DNAH17: variants seen among roughly 807,000 people sequenced by gnomAD.
DNAH17 encodes the protein dynein axonemal heavy chain 17, also known as axonemal beta dynein heavy chain 17.
Under a neutral mutation model 485.6 loss-of-function variants are expected in DNAH17, and 376 were observed. The ratio of observed to expected loss-of-function variants is 0.77; its 90% confidence interval spans 0.71 to 0.84. DNAH17 has a LOEUF of 0.84. Ranked by LOEUF, DNAH17 falls within the 40% of genes least tolerant of loss-of-function variation. The pLI is 0.00. For synonymous variants in DNAH17, 3,031 were observed against 2,405.9 expected (o/e 1.26, Z -7.60); for missense variants, 6,370 against 5,839.3 (o/e 1.09, Z -2.96).
In DNAH17 at chr17:78,439,228, G is replaced by A. The variant is rs1229002397; in HGVS notation, c.11678-11C>T. The A allele has an allele frequency of 4.4e-6, 7 of 1,590,506 alleles. No individual in the cohort carries two copies. Among genetic ancestry groups the A allele is most frequent in the Admixed American group, 1.8e-5 (1 of 55,572 alleles). Reference sequence around the variant, plus strand: ...ACCCTAGTTTTTTTCCTAAAGAAAAGAAAAACAGGAAAAAAACACCACGTA... The same window carrying A: ...ACCCTAGTTTTTTTCCTAAAGAAAAAAAAAACAGGAAAAAAACACCACGTA... On this transcript the variant is annotated splice_polypyrimidine_tract_variant and intron_variant, in intron 72 of 80. Coordinates refer to ENST00000389840, the MANE Select transcript of DNAH17 (RefSeq NM_173628.4).
chr17:78,424,304 A>G, intron 80 of DNAH17, 151 bp from the exon 81 acceptor site: 1 of 928,098 alleles, frequency 1.1e-6, no homozygotes, highest in Non-Finnish European at 1.6e-6. Context: ...CTGGAAGCAG[A>G]GGCCTTCGTA....
chr17:78,443,961 A>C (rs1012781329), intron 71 of DNAH17, among the ~76,000 whole-genome samples: 6 of 152,226 alleles, frequency 3.9e-5, no homozygotes, highest in Non-Finnish European at 8.8e-5. Flanking sequence ...GACAGACCCC[A>C]GGCTCGTTTC....
At position 78,572,821 on chromosome 17, in the gene DNAH17, T is replaced by G. The variant is rs373819347; in HGVS notation, c.419A>C (p.Lys140Thr). Residue 140 changes from lysine (K) to threonine (T), a missense_variant, in exon 3 of 81, where the codon AAG becomes ACG. Physicochemically the swap from Lys to Thr is moderately conservative, Grantham distance 78. Transcript: ENST00000389840. ...TTCATTCTTCAGCCTGTGGACCTGC[T>G]TCACGATGTCTTCCGAGACCACCTG... ...WPQVVSEDIVKQVHRLKNEMF... is the reference protein window; with the variant it reads ...WPQVVSEDIVTQVHRLKNEMF... 3.1e-6 allele frequency: 5 copies of G among 1,614,012 alleles called. No individual in the cohort carries two copies. Among genetic ancestry groups the G allele is most frequent in the Non-Finnish European group, 8.5e-7 (1 of 1,179,890 alleles).
intron 75 of DNAH17, among the ~76,000 whole-genome samples, chr17:78,431,866 G>GAAATGTCTTA (rs1432175922): frequency 2.0e-5 from 3 of 152,114 alleles, no homozygotes; most frequent in African/African-American, 7.2e-5. Flanking sequence ...AACGGCTAAG[G>GAAATGTCTTA]AAATGTCTTA....
Position 78,428,588 on chromosome 17 carries a change from G to C in DNAH17, c.12525C>G (p.Val4175=). ...TVTSEKLFRT[V]LEMQPKETDS... ...CCGTCTCTTTTGGCTGCATTTCCAG[G>C]ACAGTGCGGAACAGCTTCTCTGAGG... is the stretch of plus-strand genomic sequence containing the variant. Residue 4175 remains valine (V), a synonymous_variant, in exon 77 of 81, where the codon GTC becomes GTG. Coordinates refer to ENST00000389840, the MANE Select transcript of DNAH17 (RefSeq NM_173628.4). 1 of 1,613,890 alleles carries C rather than the reference G, an allele frequency of 6.2e-7. No homozygotes were observed. Among genetic ancestry groups the C allele is most frequent in the Non-Finnish European group, 8.5e-7 (1 of 1,179,880 alleles).
At position 78,428,705 on chromosome 17, in the gene DNAH17, A is replaced by T. The variant is rs752595776; in HGVS notation, c.12408T>A (p.Gly4136=). ...FQIPPNLDYK[G]YHEYIDENLP... Reference sequence around the variant, plus strand: ...GGTTCTCATCGATGTATTCGTGGTAACCCTGAAAAAGAGGGCAGTTTGTAA... The same window carrying T: ...GGTTCTCATCGATGTATTCGTGGTATCCCTGAAAAAGAGGGCAGTTTGTAA... Residue 4136 remains glycine (G), a splice_region_variant and synonymous_variant, in exon 77 of 81, where the codon GGT becomes GGA. Coordinates refer to ENST00000389840, the MANE Select transcript of DNAH17 (RefSeq NM_173628.4). 3.7e-6 allele frequency: 6 copies of T among 1,613,064 alleles called. No homozygotes were observed. The highest frequency in any genetic ancestry group is 5.1e-6 in the Non-Finnish European group (6 of 1,179,302).
Position 78,434,166 on chromosome 17 carries a change from G to T in DNAH17, c.12088C>A (p.Leu4030Met). The T allele has an allele frequency of 6.2e-7, 1 of 1,613,558 alleles. No individual in the cohort carries two copies. Among genetic ancestry groups the T allele is most frequent in the Non-Finnish European group, 8.5e-7 (1 of 1,179,778 alleles). ...GCCACCACAGCGTGGAAGTAGCACA[G>T]GGCGAAGAGCATGCACTTGAACTCC... is the stretch of plus-strand genomic sequence containing the variant. Reference protein sequence around the residue: ...EMEFKCMLFALCYFHAVVAER... With the variant: ...EMEFKCMLFAMCYFHAVVAER... The change falls in exon 75 of 81, where the codon CTG (leucine) becomes ATG (methionine). Residue 4030 changes from leucine (L) to methionine (M), a missense_variant. Physicochemically the swap from Leu to Met is conservative, Grantham distance 15 (BLOSUM62 2). Coordinates refer to ENST00000389840, the MANE Select transcript of DNAH17 (RefSeq NM_173628.4).
At chr17:78,527,862 G>T (rs141694898) in intron 22 of DNAH17, among the ~76,000 whole-genome samples, 2 of 152,112 alleles carry the variant, frequency 1.3e-5, no homozygotes, top group Non-Finnish European at 1.5e-5. Flanking sequence ...CACCACAACC[G>T]CTGCCTTCTG....
intron 71 of DNAH17, among the ~76,000 whole-genome samples, chr17:78,442,596 G>T (rs938146088): frequency 6.6e-5 from 10 of 152,340 alleles, no homozygotes; most frequent in African/African-American, 2.4e-4. Context: ...AATGGTCATC[G>T]GCTGTGGATG....
At chr17:78,493,517 G>A (rs934120794) in intron 41 of DNAH17, among the ~76,000 whole-genome samples, 6 of 152,206 alleles carry the variant, frequency 3.9e-5, no homozygotes, top group Non-Finnish European at 5.9e-5. Context: ...GGGTCCATGC[G>A]GCCTCTGCCT....
chr17:78,550,229 C>T (rs1278685567), intron 16 of DNAH17, among the ~76,000 whole-genome samples: 1 of 143,122 alleles, frequency 7.0e-6, no homozygotes, highest in Non-Finnish European at 1.5e-5. Context: ...CACAAGGAGG[C>T]ACACGTCTGG....
At chr17:78,520,075 C>T (rs1315371058) in intron 25 of DNAH17, among the ~76,000 whole-genome samples, 1 of 151,742 alleles carries the variant, frequency 6.6e-6, no homozygotes, top group Non-Finnish European at 1.5e-5. Flanking sequence ...CACACCACTG[C>T]ACTCCAGGCC....
intron 44 of DNAH17, among the ~76,000 whole-genome samples, chr17:78,489,023 C>T (rs1438346344): frequency 6.6e-6 from 1 of 152,130 alleles, no homozygotes; most frequent in Non-Finnish European, 1.5e-5. Context: ...TGAAGCTGCC[C>T]CATTAGTGGT....
chr17:78,485,809 C>T lies in DNAH17; in HGVS notation c.7276-52G>A, dbSNP rs2033554480. Reference sequence around the variant, plus strand: ...AGCTGTGATTCTCAGACACTTCTGCCTCTCGTGGGTGTGCAGGCCATGTTC... The same window carrying T: ...AGCTGTGATTCTCAGACACTTCTGCTTCTCGTGGGTGTGCAGGCCATGTTC... On this transcript the variant is annotated intron_variant, in intron 46 of 80. Transcript: ENST00000389840. 6.3e-6 allele frequency: 10 copies of T among 1,596,056 alleles called. No individual in the cohort carries two copies. The African/African-American group carries it at 8.0e-5, about 13-fold the overall frequency.
At chr17:78,467,156 T>C (rs2088509821) in intron 55 of DNAH17, among the ~76,000 whole-genome samples, 1 of 152,190 alleles carries the variant, frequency 6.6e-6, no homozygotes, top group African/African-American at 2.4e-5. Flanking sequence ...GCCCTTCGGT[T>C]CAGCAGGAAG....
At chr17:78,547,106 G>A (rs1386313238) in intron 16 of DNAH17, among the ~76,000 whole-genome samples, 7 of 152,034 alleles carry the variant, frequency 4.6e-5, no homozygotes, top group Admixed American at 3.3e-4. Context: ...TTTTACAACC[G>A]TATTTATCTC....
In DNAH17 at chr17:78,506,855, A is replaced by C; in HGVS notation, c.4677-9T>G. 2.5e-6 allele frequency: 4 copies of C among 1,613,804 alleles called. No homozygotes were observed. The highest frequency in any genetic ancestry group is 3.4e-6 in the Non-Finnish European group (4 of 1,179,820). On this transcript the variant is annotated splice_polypyrimidine_tract_variant and intron_variant, in intron 29 of 80. Coordinates refer to ENST00000389840, the MANE Select transcript of DNAH17 (RefSeq NM_173628.4). ...TTTCACAGATGGCCAAGCTGGGAGGAAGGAAGGAAGTAGAGGAGGCCGGTG... is the reference window on the plus strand; with the variant it reads ...TTTCACAGATGGCCAAGCTGGGAGGCAGGAAGGAAGTAGAGGAGGCCGGTG...
In DNAH17 at chr17:78,475,441, A is replaced by T. The variant is rs780760627; in HGVS notation, c.8348T>A (p.Ile2783Asn). 6.2e-7 allele frequency: 1 copy of T among 1,613,822 alleles called. No homozygotes were observed. ...LVLFEDAVAH[I>N]CRINRILESP... ...CTCCAGGATGCGATTAATCCTGCAG[A>T]TGTGAGCCACGGCGTCCTCAAACAG... The change falls in exon 54 of 81, where the codon ATC becomes AAC. Residue 2783 changes from isoleucine to asparagine, a missense_variant. By Grantham distance (149) the Ile-to-Asn change is moderately radical. Transcript: ENST00000389840.
chr17:78,572,486 G>A (rs2092373362), intron 3 of DNAH17, among the ~76,000 whole-genome samples: 1 of 152,076 alleles, frequency 6.6e-6, no homozygotes, highest in Non-Finnish European at 1.5e-5. Flanking sequence ...CCCAGGGGCT[G>A]CAGAGCCTGC....
Sources: allele counts gnomAD v4.1 joint callset (sites outside exome capture counted in the v4.1 genomes callset), GRCh38; gene constraint gnomAD v4.1.1; transcripts MANE v1.5; gene names NCBI Gene and HGNC (gene_info 2026-07-23, HGNC 2026-07-21).